The following RIMS3 variants were observed in gnomAD, a reference collection of about 807,000 sequenced individuals.
The protein encoded by RIMS3 is regulating synaptic membrane exocytosis protein 3.
In RIMS3, 15 loss-of-function variants were observed where a neutral mutation model predicts 29.2. That is an observed-to-expected ratio of 0.51 (90% CI 0.34 to 0.79). The LOEUF (loss-of-function observed/expected upper bound fraction) is 0.79. Ranked by LOEUF, RIMS3 falls within the 30% of genes least tolerant of loss-of-function variation. The probability of loss-of-function intolerance (pLI) is 0.01; values close to 1 mark genes in which losing one functional copy is unlikely to be tolerated. For missense variants in RIMS3, 342 were observed against 421.4 expected (o/e 0.81, Z 1.65); for synonymous variants, 161 against 170.1 (o/e 0.95, Z 0.41).
intron 1 of RIMS3, among the ~76,000 whole-genome samples, chr1:40,663,575 C>A (rs1053499720): frequency 6.6e-6 from 1 of 152,214 alleles, no homozygotes; most frequent in Non-Finnish European, 1.5e-5. Context: ...GCAGACATCA[C>A]CCAGACCCCT....
At position 40,636,088 on chromosome 1, in the gene RIMS3, G is replaced by A. The variant is rs1482323248; in HGVS notation, c.218-31C>T. The A allele has an allele frequency of 6.2e-7, 1 of 1,600,828 alleles. No individual in the cohort carries two copies. Among genetic ancestry groups the A allele is most frequent in the Non-Finnish European group, 8.5e-7 (1 of 1,179,674 alleles). Reference sequence around the variant, plus strand: ...ACCCCCCCAACCCCAAGCACAGAGAGGGAACAAGGTCAGATTATGAATGGG... The same window carrying A: ...ACCCCCCCAACCCCAAGCACAGAGAAGGAACAAGGTCAGATTATGAATGGG... On this transcript the variant is annotated intron_variant, in intron 3 of 7. Transcript: ENST00000372684. The surrounding 1 kb of genome is among the most constrained non-coding windows in gnomAD (Gnocchi z 4.2).
chr1:40,657,126 C>T (rs1001342323), intron 1 of RIMS3, among the ~76,000 whole-genome samples: 4 of 152,194 alleles, frequency 2.6e-5, no homozygotes, highest in South Asian at 2.1e-4. Context: ...TTATCTTCCC[C>T]GTTTCTGAAT....
In RIMS3 at chr1:40,635,928, C is replaced by G; in HGVS notation, c.347G>C (p.Ser116Thr). 6.2e-7 allele frequency: 1 copy of G among 1,612,982 alleles called. No individual in the cohort carries two copies. Among genetic ancestry groups the G allele is most frequent in the Non-Finnish European group, 8.5e-7 (1 of 1,179,910 alleles). ...GGGCTGCACGCACGTGCCGTCGGAG[C>G]TGTTGCTGTTGGTGCTCCCATCGGT... ...ESTDGSTNSNSSDGTFIFPTT... is the reference protein window; with the variant it reads ...ESTDGSTNSNTSDGTFIFPTT... The change falls in exon 4 of 8, where the codon AGC becomes ACC. Residue 116 changes from serine (S) to threonine (T), a missense_variant. By Grantham distance (58) the Ser-to-Thr change is moderately conservative. Coordinates refer to ENST00000372684, the MANE Select transcript of RIMS3 (RefSeq NM_014747.3). This position sits in a 1 kb window ranked among gnomAD's most constrained non-coding sequence, Gnocchi z 4.1.
the RIMS3 span, among the ~76,000 whole-genome samples, chr1:40,682,961 G>A: frequency 6.6e-6 from 1 of 151,804 alleles, no homozygotes; most frequent in East Asian, 1.9e-4. Context: ...GGCTGGTCTT[G>A]AACTCCTGAC....
upstream of RIMS3, among the ~76,000 whole-genome samples, chr1:40,665,832 AC>A (rs1642418630): frequency 6.6e-6 from 1 of 151,602 alleles, no homozygotes. Context: ...TGGTTGGGGG[AC>A]CTACATTAAT....
Position 40,652,302 on chromosome 1 carries a change from G to A in RIMS3, c.-206-4460C>T, listed in dbSNP as rs117213598. ...TGCAATGTGCAGGTGAATCACCTGG[G>A]GAGCTTGCTCTGATCCATGGGTCAC... On this transcript the variant is annotated intron_variant, in intron 1 of 7. Transcript: ENST00000372684. Among the ~76,000 whole-genome samples the A allele has an allele frequency of 4.5e-4, 69 of 152,278 alleles. No homozygotes were observed. The East Asian group carries it at 9.8e-3, about 22-fold the overall frequency.
the RIMS3 span, among the ~76,000 whole-genome samples, chr1:40,688,618 T>C: frequency 6.6e-6 from 1 of 152,200 alleles, no homozygotes; most frequent in Non-Finnish European, 1.5e-5. Flanking sequence ...CCAAGACACT[T>C]GCTGGGTGAA....
chr1:40,641,844 A>T lies in RIMS3; in HGVS notation c.82T>A (p.Cys28Ser). 6.2e-7 allele frequency: 1 copy of T among 1,613,436 alleles called. No homozygotes were observed. Reference sequence around the variant, plus strand: ...CCGCCCCCGGCTTGCTGGGATCCGCAGATTTCACCGCTAATGCTGGAGCTC... The same window carrying T: ...CCGCCCCCGGCTTGCTGGGATCCGCTGATTTCACCGCTAATGCTGGAGCTC... ...VRSSSISGEI[C>S]GSQQAGGGAG... The change falls in exon 3 of 8, where the codon TGC becomes AGC. Residue 28 changes from cysteine to serine, a missense_variant. Physicochemically the swap from Cys to Ser is moderately radical, Grantham distance 112. Transcript: ENST00000372684.
the RIMS3 span, chr1:40,691,480 TCA>T: frequency 3.3e-6 from 1 of 299,024 alleles, no homozygotes; most frequent in African/African-American, 2.3e-5. Flanking sequence ...GTGGTGGAGG[TCA>T]CTGGGCAGCG....
intron 1 of RIMS3, among the ~76,000 whole-genome samples, chr1:40,657,870 G>A (rs1480403988): frequency 1.3e-5 from 2 of 152,076 alleles, no homozygotes; most frequent in African/African-American, 2.4e-5. Context: ...TCAAGTCACT[G>A]CACTCCAGCC....
At chr1:40,680,121 C>A in the RIMS3 span, among the ~76,000 whole-genome samples, 2 of 151,636 alleles carry the variant, frequency 1.3e-5, no homozygotes. Context: ...CATAGTGAGA[C>A]CCTGTCTCAT....
intron 2 of RIMS3, among the ~76,000 whole-genome samples, chr1:40,646,063 T>C (rs1392496166): frequency 2.0e-5 from 3 of 152,154 alleles, no homozygotes; most frequent in Non-Finnish European, 4.4e-5. Context: ...GATTCGAACG[T>C]GAACAGATTC....
At chr1:40,670,574 T>TTATATATATATATA (rs553412097), upstream of RIMS3, among the ~76,000 whole-genome samples, 4,794 of 70,680 alleles carry the variant, frequency 0.068, 415 homozygotes, top group African/African-American at 0.088. Flanking sequence ...AGTTATAATT[T>TTATATATATATATA]TATATATATA....
chr1:40,671,977 C>T, the RIMS3 span, among the ~76,000 whole-genome samples: 1 of 151,896 alleles, frequency 6.6e-6, no homozygotes, highest in East Asian at 1.9e-4. Context: ...AGGCTGGTCT[C>T]GAACTCCTGA....
At chr1:40,639,358 G>A (rs1191075218) in intron 3 of RIMS3, among the ~76,000 whole-genome samples, 1 of 152,186 alleles carries the variant, frequency 6.6e-6, no homozygotes, top group Non-Finnish European at 1.5e-5. Context: ...TGGGATACTG[G>A]CATCCTCAAG....
intron 7 of RIMS3, among the ~76,000 whole-genome samples, chr1:40,628,168 G>C (rs1206024515): frequency 6.6e-6 from 1 of 152,202 alleles, no homozygotes; most frequent in Non-Finnish European, 1.5e-5. Flanking sequence ...CGGCTAATGA[G>C]TGCTGAGCTG....
chr1:40,655,996 G>A (rs1237280729), intron 1 of RIMS3, among the ~76,000 whole-genome samples: 2 of 152,200 alleles, frequency 1.3e-5, no homozygotes, highest in African/African-American at 4.8e-5. Context: ...CTGGGCGACA[G>A]AGACTCCGTC....
intron 1 of RIMS3, among the ~76,000 whole-genome samples, chr1:40,656,831 C>T (rs1166465884): frequency 6.6e-6 from 1 of 150,396 alleles, no homozygotes; most frequent in Non-Finnish European, 1.5e-5. Flanking sequence ...CTGACATGTT[C>T]TCCCTTGGAC....
At chr1:40,682,730 C>T in the RIMS3 span, among the ~76,000 whole-genome samples, 1 of 92,748 alleles carries the variant, frequency 1.1e-5, no homozygotes, top group South Asian at 3.1e-4. Context: ...ATTCTTTGAC[C>T]CTTTGCAGAT....
Sources: gnomAD v4.1 joint callset for allele counts (sites outside exome capture counted in the v4.1 genomes callset) on GRCh38, gnomAD v4.1.1 for gene constraint, Gnocchi (gnomAD v3.1) non-coding constraint, MANE v1.5 for transcripts, NCBI Gene and HGNC (gene_info 2026-07-23, HGNC 2026-07-21) for gene names.